The following ACTR3C variants were observed in gnomAD, a reference collection of about 807,000 sequenced individuals.
The protein encoded by ACTR3C is actin related protein 3C, also known as actin-related protein 3C.
Under a neutral mutation model 26.3 loss-of-function variants are expected in ACTR3C, and 18 were observed. That is an observed-to-expected ratio of 0.68 (90% CI 0.47 to 1.01). The LOEUF (loss-of-function observed/expected upper bound fraction) is 1.01. Ranked by LOEUF, ACTR3C falls within the 50% of genes least tolerant of loss-of-function variation. The pLI is 0.00. For missense variants in ACTR3C, 184 were observed against 250.7 expected, an observed-to-expected ratio of 0.73 and a Z score of 1.80; for synonymous variants, 55 against 94.5, an observed-to-expected ratio of 0.58 and a Z score of 2.42.
At chr7:150,067,299 C>T in the ACTR3C span, among the ~76,000 whole-genome samples, 8 of 152,238 alleles carry the variant, frequency 5.3e-5, no homozygotes, top group East Asian at 9.7e-4. Context: ...AGCCTCAGAA[C>T]GCAAGTGTCT....
At chr7:150,224,581 G>A in the ACTR3C span, among the ~76,000 whole-genome samples, 1 of 152,258 alleles carries the variant, frequency 6.6e-6, no homozygotes, top group Non-Finnish European at 1.5e-5. Flanking sequence ...GGACAAAGGA[G>A]TTGCTGCTCT....
At chr7:150,117,640 G>T in the ACTR3C span, among the ~76,000 whole-genome samples, 554 of 152,372 alleles carry the variant, frequency 3.6e-3, 4 homozygotes, top group African/African-American at 0.012. Flanking sequence ...TTGGGAAGGG[G>T]TGGCTGTGGG....
chr7:149,969,559 C>A, the ACTR3C span, among the ~76,000 whole-genome samples: 6 of 152,232 alleles, frequency 3.9e-5, no homozygotes, highest in Non-Finnish European at 4.4e-5. Flanking sequence ...TTAATCTATA[C>A]CTAAAATGCC....
At chr7:150,313,291 A>G (rs1436928123) in intron 1 of ACTR3C, among the ~76,000 whole-genome samples, 1 of 152,214 alleles carries the variant, frequency 6.6e-6, no homozygotes, top group Admixed American at 6.5e-5. Context: ...GTGACAGTTC[A>G]GAAAGGTGGG....
the ACTR3C span, among the ~76,000 whole-genome samples, chr7:150,029,515 T>G: frequency 2.0e-5 from 3 of 151,754 alleles, no homozygotes; most frequent in Non-Finnish European, 4.4e-5. Flanking sequence ...TGCAGTGAGC[T>G]ATGATCATAC....
At chr7:149,951,500 C>T in the ACTR3C span, among the ~76,000 whole-genome samples, 1 of 149,314 alleles carries the variant, frequency 6.7e-6, no homozygotes, top group Admixed American at 6.6e-5. Flanking sequence ...ACTCAGGGCC[C>T]TGTGGTGGTA....
At chr7:150,006,344 C>A in the ACTR3C span, among the ~76,000 whole-genome samples, 3 of 151,008 alleles carry the variant, frequency 2.0e-5, no homozygotes, top group Non-Finnish European at 3.0e-5. Context: ...CTACAGGCAC[C>A]CGCCACCACG....
At chr7:150,117,921 A>C in the ACTR3C span, among the ~76,000 whole-genome samples, 2 of 152,196 alleles carry the variant, frequency 1.3e-5, no homozygotes, top group Non-Finnish European at 2.9e-5. Flanking sequence ...TGCAGCCTCC[A>C]CTGGTGATAC....
the ACTR3C span, among the ~76,000 whole-genome samples, chr7:149,886,713 T>C: frequency 2.6e-5 from 4 of 152,338 alleles, no homozygotes; most frequent in African/African-American, 9.6e-5. Context: ...CCTAGCATTT[T>C]GGGAAGCCAA....
chr7:150,223,546 A>T, the ACTR3C span, among the ~76,000 whole-genome samples: 30 of 152,038 alleles, frequency 2.0e-4, no homozygotes, highest in African/African-American at 7.0e-4. Context: ...TACAATTTTT[A>T]AACTCCTTAG....
chr7:150,066,325 G>A, the ACTR3C span, among the ~76,000 whole-genome samples: 1 of 152,212 alleles, frequency 6.6e-6, no homozygotes, highest in African/African-American at 2.4e-5. Flanking sequence ...CTCTGTCTGT[G>A]TGAACTGGAA....
At chr7:150,068,146 C>T in the ACTR3C span, among the ~76,000 whole-genome samples, 3 of 152,112 alleles carry the variant, frequency 2.0e-5, no homozygotes, top group Non-Finnish European at 2.9e-5. Context: ...AAAGATACAT[C>T]AGGGAAATGG....
At chr7:150,002,652 G>A in the ACTR3C span, 1 of 152,182 alleles carries the variant, frequency 6.6e-6, no homozygotes, top group Non-Finnish European at 1.5e-5. Context: ...CCTCAAGGAG[G>A]AGTTCTCCCG....
the ACTR3C span, among the ~76,000 whole-genome samples, chr7:150,221,274 T>TTTTC: frequency 4.3e-3 from 651 of 151,026 alleles, 5 homozygotes; most frequent in African/African-American, 0.015. Flanking sequence ...AAGAGTTTTT[T>TTTTC]TTTCTTTCTT....
At chr7:150,048,030 G>T in the ACTR3C span, among the ~76,000 whole-genome samples, 1 of 152,122 alleles carries the variant, frequency 6.6e-6, no homozygotes, top group Non-Finnish European at 1.5e-5. Context: ...GCGAGTCTCC[G>T]CTGGCGACTC....
the ACTR3C span, among the ~76,000 whole-genome samples, chr7:150,174,555 C>T: frequency 1.5e-5 from 2 of 136,242 alleles, no homozygotes; most frequent in Non-Finnish European, 3.0e-5. Flanking sequence ...TTAAAATAAA[C>T]TTCCAATCCT....
the ACTR3C span, among the ~76,000 whole-genome samples, chr7:150,119,763 C>A: frequency 6.6e-6 from 1 of 152,206 alleles, no homozygotes; most frequent in Non-Finnish European, 1.5e-5. Flanking sequence ...CTCTCCACCC[C>A]AAATCAACAG....
chr7:150,006,086 A>G, the ACTR3C span, among the ~76,000 whole-genome samples: 3 of 152,048 alleles, frequency 2.0e-5, no homozygotes, highest in African/African-American at 4.8e-5. Context: ...GTGAGTGCCC[A>G]CTGATCACAG....
chr7:150,280,114 G>A (rs2530926), intron 6 of ACTR3C, among the ~76,000 whole-genome samples: 28 of 152,294 alleles, frequency 1.8e-4, no homozygotes, highest in Non-Finnish European at 3.1e-4. Flanking sequence ...GCGGTTCTCA[G>A]GTTAGAAGCA....
Sources: gnomAD v4.1 joint callset for allele counts (sites outside exome capture counted in the v4.1 genomes callset) on GRCh38, gnomAD v4.1.1 for gene constraint, MANE v1.5 for transcripts, NCBI Gene and HGNC (gene_info 2026-07-23, HGNC 2026-07-21) for gene names.